Variants in DIAPH3 observed in about 807,000 individuals in gnomAD.
DIAPH3 encodes the protein diaphanous related formin 3, also known as protein diaphanous homolog 3.
A neutral mutation model predicts 144.3 loss-of-function variants in DIAPH3; 117 were observed. The ratio of observed to expected loss-of-function variants is 0.81; its 90% CI spans 0.70 to 0.95. The LOEUF is 0.95. Among genes scored for constraint, DIAPH3 ranks in the 40% least tolerant of loss-of-function variants. The pLI is 0.00. For synonymous variants in DIAPH3, 519 were observed against 488.9 expected (o/e 1.06, Z -0.81); for missense variants, 1,421 against 1,412.7 (o/e 1.01, Z -0.09).
At chr13:59,716,344 T>C (rs1039762296) in intron 27 of DIAPH3, among the ~76,000 whole-genome samples, 23 of 152,076 alleles carry the variant, frequency 1.5e-4, no homozygotes, top group Admixed American at 1.4e-3. Flanking sequence ...CCCGGCTAAT[T>C]TTTTGTATTT....
chr13:59,961,059 T>C (rs1397784918), intron 17 of DIAPH3, among the ~76,000 whole-genome samples: 1 of 152,182 alleles, frequency 6.6e-6, no homozygotes, highest in Admixed American at 6.6e-5. Flanking sequence ...TCTCCATAAG[T>C]GGCTATTAAC....
rs186971248 is a variant in DIAPH3 at position 59,790,274 on chromosome 13, T to C, written c.3164-15451A>G. Among the ~76,000 whole-genome samples the C allele has an allele frequency of 8.7e-4, 132 of 152,330 alleles. 1 individual carries two copies. The highest frequency in any genetic ancestry group is 1.7e-3 in the South Asian group (8 of 4,828). ...GATGATTCCAGGGGTTATTCTTTGA[T>C]ACCTGGATTTTTACTTAAATTTCTG... On this transcript the variant is annotated intron_variant, in intron 25 of 27. Transcript: ENST00000400324.
chr13:59,796,049 G>A (rs1472494154), intron 25 of DIAPH3, among the ~76,000 whole-genome samples: 2 of 152,188 alleles, frequency 1.3e-5, no homozygotes, highest in Non-Finnish European at 2.9e-5. Context: ...TAGCTAAAAT[G>A]AGGGGTTTGT....
intron 25 of DIAPH3, among the ~76,000 whole-genome samples, chr13:59,793,999 A>T (rs1236523957): frequency 6.6e-6 from 1 of 152,200 alleles, no homozygotes; most frequent in African/African-American, 2.4e-5. Context: ...TACACATTCA[A>T]CAGAAACTGT....
chr13:59,751,257 A>C (rs114336447), intron 27 of DIAPH3, among the ~76,000 whole-genome samples: 4,709 of 152,350 alleles, frequency 0.031, 114 homozygotes, highest in Non-Finnish European at 0.042. Context: ...GTATGGAACA[A>C]AATAGCCATA....
chr13:59,818,520 ATTTATTTGAAGTGAGTCTCAT>A (rs1377827540), intron 24 of DIAPH3, among the ~76,000 whole-genome samples: 8 of 151,286 alleles, frequency 5.3e-5, no homozygotes, highest in Non-Finnish European at 7.4e-5. Context: ...CAGCTTCATT[ATTTATTTGAAGTGAGTCTCAT>A]TTTATTTATC....
chr13:59,990,099 C>A (rs746623666), intron 12 of DIAPH3, among the ~76,000 whole-genome samples: 4 of 151,570 alleles, frequency 2.6e-5, no homozygotes, highest in Non-Finnish European at 5.9e-5. Flanking sequence ...AATATTTAAA[C>A]TGGTTTATTT....
intron 27 of DIAPH3, among the ~76,000 whole-genome samples, chr13:59,716,535 G>A (rs920433335): frequency 2.0e-5 from 3 of 152,128 alleles, no homozygotes; most frequent in Admixed American, 6.5e-5. Flanking sequence ...AAAAATACAG[G>A]TACCTCTCAT....
At chr13:60,067,241 C>T (rs967421764) in intron 4 of DIAPH3, among the ~76,000 whole-genome samples, 2 of 151,774 alleles carry the variant, frequency 1.3e-5, no homozygotes, top group South Asian at 2.1e-4. Context: ...GCCATGATCA[C>T]GCCACTGCAC....
At chr13:59,968,333 T>C (rs775539077) in intron 17 of DIAPH3, among the ~76,000 whole-genome samples, 1 of 152,188 alleles carries the variant, frequency 6.6e-6, no homozygotes, top group Non-Finnish European at 1.5e-5. Context: ...CCACCATTTG[T>C]ACCTACTAGG....
intron 15 of DIAPH3, among the ~76,000 whole-genome samples, chr13:59,973,963 T>A (rs2050529372): frequency 6.6e-6 from 1 of 152,094 alleles, no homozygotes; most frequent in Non-Finnish European, 1.5e-5. Flanking sequence ...AGAGGTTATC[T>A]TTTACTGCAA....
intron 25 of DIAPH3, among the ~76,000 whole-genome samples, chr13:59,792,494 G>A (rs1458422911): frequency 6.6e-6 from 1 of 152,178 alleles, no homozygotes; most frequent in Non-Finnish European, 1.5e-5. Flanking sequence ...GGTCCTAAGA[G>A]TTCCTTGACC....
chr13:59,990,302 TA>T (rs1304139768), intron 12 of DIAPH3, among the ~76,000 whole-genome samples: 2 of 151,750 alleles, frequency 1.3e-5, no homozygotes, highest in African/African-American at 4.8e-5. Context: ...CACTGAGTCA[TA>T]CCCTCTGATG....
At chr13:60,090,093 G>A (rs751893995) in intron 4 of DIAPH3, among the ~76,000 whole-genome samples, 5 of 152,116 alleles carry the variant, frequency 3.3e-5, no homozygotes, top group Non-Finnish European at 7.4e-5. Context: ...GCGGAACAAA[G>A]TGGCTCTCCA....
chr13:60,018,816 G>C (rs976798996), intron 5 of DIAPH3, among the ~76,000 whole-genome samples: 1 of 151,790 alleles, frequency 6.6e-6, no homozygotes, highest in Non-Finnish European at 1.5e-5. Flanking sequence ...AGTGGGACAG[G>C]GTACAGGGAA....
At chr13:59,969,412 T>C (rs2050229873) in intron 17 of DIAPH3, among the ~76,000 whole-genome samples, 1 of 152,196 alleles carries the variant, frequency 6.6e-6, no homozygotes, top group South Asian at 2.1e-4. Context: ...TACTTTAAGT[T>C]CTGGGATACA....
rs920389794 is a variant in DIAPH3 at position 60,132,537 on chromosome 13, G to A, written c.213+420C>T. Reference sequence around the variant, plus strand: ...ATAAAAAACGTAGTAAGGCATACCCGGTTCTCTCATTTTTAAGCAAAATTT... The same window carrying A: ...ATAAAAAACGTAGTAAGGCATACCCAGTTCTCTCATTTTTAAGCAAAATTT... On this transcript the variant is annotated intron_variant, in intron 2 of 27. Coordinates refer to ENST00000400324, the MANE Select transcript of DIAPH3 (RefSeq NM_001042517.2). Among the ~76,000 whole-genome samples the A allele has an allele frequency of 2.6e-5, 4 of 151,920 alleles. 1 individual carries two copies. The highest frequency in any genetic ancestry group is 4.8e-5 in the African/African-American group (2 of 41,372).
chr13:59,967,184 A>AC (rs2050101998), intron 17 of DIAPH3, among the ~76,000 whole-genome samples: 1 of 151,890 alleles, frequency 6.6e-6, no homozygotes, highest in Non-Finnish European at 1.5e-5. Flanking sequence ...CTCATGCCTC[A>AC]GCCTCCGGAG....
At chr13:59,781,693 G>A (rs1041420013) in intron 25 of DIAPH3, among the ~76,000 whole-genome samples, 8 of 152,208 alleles carry the variant, frequency 5.3e-5, no homozygotes, top group Non-Finnish European at 1.2e-4. Flanking sequence ...TAACAGGTAT[G>A]TATGTACAAA....
Sources: gnomAD v4.1 joint callset for allele counts (sites outside exome capture counted in the v4.1 genomes callset) on GRCh38, gnomAD v4.1.1 for gene constraint, MANE v1.5 for transcripts, NCBI Gene and HGNC (gene_info 2026-07-23, HGNC 2026-07-21) for gene names.